Variants in TPRG1 observed in about 807,000 individuals in gnomAD.
The protein encoded by TPRG1 is tumor protein p63 regulated 1, also known as tumor protein p63-regulated gene 1 protein.
In TPRG1, 29 loss-of-function variants were observed where a neutral mutation model predicts 29.3. The observed-to-expected ratio is 0.99, with a 90% confidence interval of 0.74 to 1.35. TPRG1 has a LOEUF of 1.35. Among genes scored for constraint, TPRG1 ranks in the 40% most tolerant of loss-of-function variants. The pLI is 0.00. For synonymous variants in TPRG1, 130 were observed against 116.8 expected, an observed-to-expected ratio of 1.11 and a Z score of -0.73; for missense variants, 327 against 335.0, an observed-to-expected ratio of 0.98 and a Z score of 0.19.
intron 3 of TPRG1, chr3:189,218,096 C>T (rs1216295979): frequency 2.4e-5 from 22 of 918,642 alleles, no homozygotes; most frequent in Non-Finnish European, 2.7e-5. Flanking sequence ...CTACCCTAGC[C>T]TCACCAACCA....
At chr3:189,159,834 T>TTGTGTGTGTGTGTGTGTGTGTG (rs779237990) in intron 5 of TPRG1, among the ~76,000 whole-genome samples, 3 of 95,408 alleles carry the variant, frequency 3.1e-5, no homozygotes, top group Admixed American at 1.1e-4. Flanking sequence ...CATGGAGTGT[T>TTGTGTGTGTGTGTGTGTGTGTG]TGTGTATGTG....
intron 4 of TPRG1, among the ~76,000 whole-genome samples, chr3:189,288,045 A>G (rs539501871): frequency 6.6e-6 from 1 of 151,648 alleles, no homozygotes; most frequent in South Asian, 2.1e-4. Context: ...TATGTCTGAG[A>G]CAGTGAGAGA....
At chr3:189,075,186 G>A (rs1186779094) in intron 4 of TPRG1, among the ~76,000 whole-genome samples, 2 of 151,990 alleles carry the variant, frequency 1.3e-5, no homozygotes, top group African/African-American at 4.8e-5. Flanking sequence ...AGGCTGGAGT[G>A]CAATGGCACG....
chr3:189,034,918 G>A (rs59544634), intron 4 of TPRG1, among the ~76,000 whole-genome samples: 16,144 of 152,006 alleles, frequency 0.11, 1,506 homozygotes, highest in African/African-American at 0.25. Flanking sequence ...GTCATTTTCC[G>A]CAGAATTAGA....
intron 5 of TPRG1, among the ~76,000 whole-genome samples, chr3:189,158,163 A>T (rs76413698): frequency 0.018 from 2,785 of 152,316 alleles, 100 homozygotes; most frequent in African/African-American, 0.063. Flanking sequence ...AAGACAGGAA[A>T]TAGAAATCAT....
intron 4 of TPRG1, among the ~76,000 whole-genome samples, chr3:189,297,132 C>T (rs570081163): frequency 2.8e-4 from 42 of 152,226 alleles, no homozygotes; most frequent in African/African-American, 9.4e-4. Flanking sequence ...AGGCACGCGC[C>T]ACCAAGCCCG....
intron 4 of TPRG1, among the ~76,000 whole-genome samples, chr3:189,249,156 A>G (rs1197101784): frequency 1.3e-5 from 2 of 151,674 alleles, no homozygotes; most frequent in African/African-American, 4.8e-5. Flanking sequence ...TTAGTTATAT[A>G]CATGTAATGT....
chr3:189,156,749 T>G (rs1291647210), intron 5 of TPRG1, among the ~76,000 whole-genome samples: 1 of 152,212 alleles, frequency 6.6e-6, no homozygotes, highest in Non-Finnish European at 1.5e-5. Context: ...ATTTCCTCGT[T>G]GTTCTTTGAT....
At chr3:189,056,273 T>G (rs1315795099) in intron 4 of TPRG1, among the ~76,000 whole-genome samples, 1 of 152,102 alleles carries the variant, frequency 6.6e-6, no homozygotes, top group Non-Finnish European at 1.5e-5. Flanking sequence ...TTTTTGTATT[T>G]TCAGTAGAGA....
chr3:189,297,954 G>A (rs375513458), intron 4 of TPRG1, among the ~76,000 whole-genome samples: 31 of 152,242 alleles, frequency 2.0e-4, no homozygotes, highest in Middle Eastern at 3.4e-3. Flanking sequence ...CCAGGTCTCC[G>A]TCTGAACTAT....
intron 1 of TPRG1, among the ~76,000 whole-genome samples, chr3:189,181,480 G>A (rs541497922): frequency 3.3e-5 from 5 of 152,228 alleles, no homozygotes; most frequent in African/African-American, 1.2e-4. Context: ...TCTCTCTCAA[G>A]TTCAAAGTTC....
chr3:189,233,244 T>G (rs1050792314), intron 3 of TPRG1, among the ~76,000 whole-genome samples: 1 of 151,896 alleles, frequency 6.6e-6, no homozygotes, highest in Non-Finnish European at 1.5e-5. Flanking sequence ...AATAAAATCT[T>G]TCTTGGAAGG....
rs115556714 is a variant in TPRG1 at position 189,140,497 on chromosome 3, C to T, written c.-290-7087C>T. 5.4e-3 allele frequency among the ~76,000 whole-genome samples: 816 copies of T among 152,320 alleles called. 8 individuals are homozygous for T. Among genetic ancestry groups the T allele is most frequent in the African/African-American group, 0.017 (720 of 41,582 alleles). The stretch of plus-strand genomic sequence containing the variant: ...TACTTAGTATTAATTACCTCTTCCT[C>T]ACCAACCCTATTCCCAAATCTGATG... On this transcript the variant is annotated intron_variant, in intron 3 of 6. Coordinates refer to the TPRG1 transcript ENST00000412373.
chr3:189,080,973 G>C (rs777273287), intron 4 of TPRG1, among the ~76,000 whole-genome samples: 1 of 152,088 alleles, frequency 6.6e-6, no homozygotes, highest in Non-Finnish European at 1.5e-5. Flanking sequence ...TTACACGTGG[G>C]CCAGCTAGAG....
chr3:189,146,862 A>T (rs940414750), intron 3 of TPRG1, among the ~76,000 whole-genome samples: 4 of 152,244 alleles, frequency 2.6e-5, no homozygotes, highest in Non-Finnish European at 5.9e-5. Context: ...AACACCAAGA[A>T]TCATTTCTAG....
intron 3 of TPRG1, among the ~76,000 whole-genome samples, chr3:189,224,407 G>C (rs1252654136): frequency 6.6e-6 from 1 of 152,170 alleles, no homozygotes; most frequent in Non-Finnish European, 1.5e-5. Flanking sequence ...TTGAACCTGA[G>C]AGGCGGAGCT....
At chr3:189,214,937 T>C (rs1735799323) in intron 2 of TPRG1, among the ~76,000 whole-genome samples, 1 of 151,426 alleles carries the variant, frequency 6.6e-6, no homozygotes, top group Non-Finnish European at 1.5e-5. Context: ...ACATGTGCTC[T>C]AGGAAGAGAA....
intron 1 of TPRG1, among the ~76,000 whole-genome samples, chr3:189,184,884 G>A (rs763514875): frequency 6.6e-6 from 1 of 152,188 alleles, no homozygotes; most frequent in African/African-American, 2.4e-5. Flanking sequence ...CAACAGCAGA[G>A]CGGATGGGAT....
At chr3:189,059,248 A>G (rs894492644) in intron 4 of TPRG1, among the ~76,000 whole-genome samples, 3 of 152,238 alleles carry the variant, frequency 2.0e-5, no homozygotes, top group African/African-American at 7.2e-5. Context: ...TCTGTGCCAG[A>G]CACAGTTCTT....
Sources: gnomAD v4.1 joint callset for allele counts (sites outside exome capture counted in the v4.1 genomes callset) on GRCh38, gnomAD v4.1.1 for gene constraint, MANE v1.5 for transcripts, NCBI Gene and HGNC (gene_info 2026-07-23, HGNC 2026-07-21) for gene names.